The following AP1S3 variants were observed in gnomAD, a reference collection of about 807,000 sequenced individuals.
The protein encoded by AP1S3 is adaptor related protein complex 1 subunit sigma 3.
AP1S3 carries 10 observed loss-of-function variants against 20.9 expected under a neutral mutation model. The ratio of observed to expected loss-of-function variants is 0.48; its 90% CI spans 0.29 to 0.81. AP1S3 has a LOEUF of 0.81. Among genes scored for constraint, AP1S3 ranks in the 30% least tolerant of loss-of-function variants. AP1S3 has a pLI of 0.08. For missense variants in AP1S3, 154 were observed against 183.8 expected, an observed-to-expected ratio of 0.84 and a Z score of 0.94; for synonymous variants, 41 against 61.5, an observed-to-expected ratio of 0.67 and a Z score of 1.56.
chr2:223,818,124 A>G (rs986795498), intron 1 of AP1S3, among the ~76,000 whole-genome samples: 1 of 152,170 alleles, frequency 6.6e-6, no homozygotes, highest in Non-Finnish European at 1.5e-5. Context: ...ATACTTCTAT[A>G]AAAAATGTCC....
At chr2:223,777,911 T>G in intron 1 of AP1S3, 42 bp from the exon 2 acceptor site, 1 of 1,555,264 alleles carries the variant, frequency 6.4e-7, no homozygotes, top group Non-Finnish European at 8.8e-7. Context: ...ATCAACCAAG[T>G]CACTCTGCCG....
At chr2:223,767,805 T>C (rs999254349) in intron 3 of AP1S3, among the ~76,000 whole-genome samples, 1 of 152,136 alleles carries the variant, frequency 6.6e-6, no homozygotes, top group Non-Finnish European at 1.5e-5. Flanking sequence ...AATTTCTCCA[T>C]CTAATTCATT....
rs563273453 is a variant in AP1S3 at position 223,756,443 on chromosome 2, GGAAGGAAAAGAAAGAAA to G, written c.*2255_*2271del. ...AGAGAGAGAAGAAGGAAGGAAGAAA[GGAAGGAAAAGAAAGAAA>G]GAAAGAAAAGAAAGAAAGAAAGAAA... On this transcript the variant is annotated 3_prime_UTR_variant, in exon 5 of 5. Transcript: ENST00000396654. 4,988 of 779,490 alleles carry G rather than the reference GGAAGGAAAAGAAAGAAA, an allele frequency of 6.4e-3. 16 individuals are homozygous for G. The highest frequency in any genetic ancestry group is 8.5e-3 in the Admixed American group (105 of 12,370). The allele number at this position is 779,490 out of a possible 1,614,324, so 48.3% of individuals were successfully genotyped here.
chr2:223,816,459 T>TGA (rs1305007189), intron 1 of AP1S3, among the ~76,000 whole-genome samples: 2 of 152,100 alleles, frequency 1.3e-5, no homozygotes, highest in Non-Finnish European at 2.9e-5. Context: ...AAGAGAAGCA[T>TGA]GAAATGTGAG....
chr2:223,837,503 C>G lies in AP1S3; in HGVS notation c.-53G>C. ...TTGCGAGCAAGGAGCGCTGGAGAAG[C>G]GAGGGCGAGAGGCGAGCGCTGGAGC... On this transcript the variant is annotated 5_prime_UTR_variant, in exon 1 of 5. Coordinates refer to ENST00000396654, the MANE Select transcript of AP1S3 (RefSeq NM_001039569.2). The G allele has an allele frequency of 8.0e-7, 1 of 1,244,054 alleles. No individual in the cohort carries two copies. Among genetic ancestry groups the G allele is most frequent in the Non-Finnish European group, 1.0e-6 (1 of 985,374 alleles). 77.1% of individuals were successfully genotyped at this position (1,244,054 alleles called of 1,614,324 possible).
intron 1 of AP1S3, among the ~76,000 whole-genome samples, chr2:223,828,056 T>C (rs1692172593): frequency 1.5e-5 from 1 of 68,392 alleles, no homozygotes; most frequent in South Asian, 5.5e-4. Flanking sequence ...CAAGACTTCA[T>C]CTAAAAAAAA....
chr2:223,831,682 A>T (rs529447707), intron 1 of AP1S3, among the ~76,000 whole-genome samples: 1 of 152,324 alleles, frequency 6.6e-6, no homozygotes, highest in East Asian at 1.9e-4. Flanking sequence ...GAAGAAATGA[A>T]CCACAGAACC....
chr2:223,833,882 TTTTATTTATTTATTTATTTATTTA>T (rs71408596), intron 1 of AP1S3, among the ~76,000 whole-genome samples: 1 of 145,940 alleles, frequency 6.9e-6, no homozygotes, highest in South Asian at 2.2e-4. Context: ...TTTACACTCT[TTTTATTTATTTATTTATTTATTTA>T]TTTATTTATT....
chr2:223,832,993 A>G (rs1286711527), intron 1 of AP1S3, among the ~76,000 whole-genome samples: 2 of 151,900 alleles, frequency 1.3e-5, no homozygotes, highest in Non-Finnish European at 2.9e-5. Flanking sequence ...CATAAATAAC[A>G]TACATTATGA....
Position 223,756,122 on chromosome 2 carries a change from T to C in AP1S3, c.*2593A>G. On this transcript the variant is annotated 3_prime_UTR_variant, in exon 5 of 5. Coordinates refer to ENST00000396654, the MANE Select transcript of AP1S3 (RefSeq NM_001039569.2). ...GGAAGGCCAAGGCGGGCGGATCACC[T>C]GAGGTCGGCGTTCAAGACCAGCCTG... 1 of 848,612 alleles carries C rather than the reference T, an allele frequency of 1.2e-6. No individual in the cohort carries two copies. Among genetic ancestry groups the C allele is most frequent in the Non-Finnish European group, 1.4e-6 (1 of 705,384 alleles). 52.6% of individuals were successfully genotyped at this position (848,612 alleles called of 1,614,324 possible).
intron 1 of AP1S3, among the ~76,000 whole-genome samples, chr2:223,782,419 T>C (rs581815): frequency 0.48 from 72,645 of 152,004 alleles, 18,174 homozygotes; most frequent in Non-Finnish European, 0.55. Context: ...CATTGTTGAG[T>C]ATCCTCTGGG....
chr2:223,801,972 A>C (rs1052318416), intron 1 of AP1S3, among the ~76,000 whole-genome samples: 12 of 152,360 alleles, frequency 7.9e-5, no homozygotes, highest in African/African-American at 2.9e-4. Flanking sequence ...GCTCTAAGTA[A>C]AGTTTTTGAA....
chr2:223,770,450 C>A, intron 3 of AP1S3: 1 of 1,394,372 alleles, frequency 7.2e-7, no homozygotes, highest in Non-Finnish European at 9.5e-7. Flanking sequence ...GTACTAGTTT[C>A]AAGGGATAAG....
At chr2:223,769,804 C>T (rs1690567829) in intron 3 of AP1S3, among the ~76,000 whole-genome samples, 2 of 125,424 alleles carry the variant, frequency 1.6e-5, no homozygotes, top group African/African-American at 5.9e-5. Flanking sequence ...AGTGCAGTGG[C>T]GCGATCTCGG....
chr2:223,784,421 G>A (rs1396155770), intron 1 of AP1S3, among the ~76,000 whole-genome samples: 9 of 151,780 alleles, frequency 5.9e-5, no homozygotes, highest in African/African-American at 2.2e-4. Flanking sequence ...CCCCCAACAC[G>A]ATGTATTTTC....
At chr2:223,806,046 A>G (rs1254732544) in intron 1 of AP1S3, among the ~76,000 whole-genome samples, 4 of 152,182 alleles carry the variant, frequency 2.6e-5, no homozygotes, top group African/African-American at 9.7e-5. Context: ...CTAGAAAAAT[A>G]AATATAACGC....
intron 1 of AP1S3, among the ~76,000 whole-genome samples, chr2:223,807,468 TC>T (rs1236518396): frequency 6.6e-6 from 1 of 152,150 alleles, no homozygotes; most frequent in Non-Finnish European, 1.5e-5. Context: ...TTGCAAGCAT[TC>T]TTTTAATCAG....
chr2:223,832,376 G>A (rs1053692717), intron 1 of AP1S3, among the ~76,000 whole-genome samples: 7 of 97,722 alleles, frequency 7.2e-5, no homozygotes, highest in East Asian at 6.2e-4. Context: ...CAAACAAAAC[G>A]AGTGATAGAA....
Position 223,757,002 on chromosome 2 carries a change from T to C in AP1S3, c.*1713A>G, listed in dbSNP as rs1690238190. ...TTTTACTTTTTCTTTTTTTTTTTTT[T>C]TTTCTTGAGACGCAGTCTTGCTCTG... On this transcript the variant is annotated 3_prime_UTR_variant, in exon 5 of 5. Transcript: ENST00000396654. 1 of 984,060 alleles carries C rather than the reference T, an allele frequency of 1.0e-6. No homozygotes were observed. The allele number at this position is 984,060 out of a possible 1,614,324, so 61.0% of individuals were successfully genotyped here.
Sources: allele counts gnomAD v4.1 joint callset (sites outside exome capture counted in the v4.1 genomes callset), GRCh38; gene constraint gnomAD v4.1.1; transcripts MANE v1.5; gene names NCBI Gene and HGNC (gene_info 2026-07-23, HGNC 2026-07-21).